ANKRD36C: variants seen among roughly 807,000 people sequenced by gnomAD.
ANKRD36C encodes the protein ankyrin repeat domain 36C.
Under a neutral mutation model 276.4 loss-of-function variants are expected in ANKRD36C, and 61 were observed. The observed-to-expected ratio is 0.22, with a 90% CI of 0.18 to 0.27. The LOEUF (loss-of-function observed/expected upper bound fraction) is 0.27, where lower values mean the gene tolerates loss of function less well. ANKRD36C is among the 10% of genes least tolerant of loss of function. ANKRD36C has a pLI of 1.00. For missense variants in ANKRD36C, 1,447 were observed against 2,032.3 expected, an observed-to-expected ratio of 0.71 and a Z score of 5.54; for synonymous variants, 483 against 680.1, an observed-to-expected ratio of 0.71 and a Z score of 4.51.
intron 22 of ANKRD36C, among the ~76,000 whole-genome samples, chr2:95,938,606 A>T (rs1677783789): frequency 6.6e-6 from 1 of 152,278 alleles, no homozygotes; most frequent in African/African-American, 2.4e-5. Context: ...TTAAATGATG[A>T]CAACTTTAAA....
chr2:95,890,612 A>T (rs1165368836), intron 46 of ANKRD36C, among the ~76,000 whole-genome samples: 6 of 151,568 alleles, frequency 4.0e-5, no homozygotes, highest in Non-Finnish European at 8.9e-5. Context: ...TGCATACACT[A>T]GTATAGACTT....
At chr2:95,987,782 C>G (rs1204813962) in intron 1 of ANKRD36C, among the ~76,000 whole-genome samples, 1 of 151,814 alleles carries the variant, frequency 6.6e-6, no homozygotes, top group East Asian at 1.9e-4. Context: ...CTACCGCGCC[C>G]GGCTAATTTT....
intron 14 of ANKRD36C, among the ~76,000 whole-genome samples, chr2:95,953,437 C>G: frequency 6.6e-6 from 1 of 151,980 alleles, no homozygotes; most frequent in South Asian, 2.1e-4. Context: ...AGAAATAGCT[C>G]TCTGCAAAAA....
intron 53 of ANKRD36C, 33 bp downstream of exon 73, chr2:95,884,307 A>G (rs1392676966): frequency 1.2e-6 from 2 of 1,610,602 alleles, no homozygotes; most frequent in South Asian, 1.1e-5. Flanking sequence ...CTATACAATT[A>G]CTAGTTCACA....
Position 95,990,828 on chromosome 2 carries a change from T to C in ANKRD36C, c.197+684A>G, listed in dbSNP as rs574487828. On this transcript the variant is annotated intron_variant, in intron 1 of 66. Transcript: ENST00000456556. ...TCAGGAAGTTGATATATTATGGAAA[T>C]GATTTCTCTCATTATGCACCTTTCC... is the stretch of plus-strand genomic sequence containing the variant. 8.3e-4 allele frequency among the ~76,000 whole-genome samples: 126 copies of C among 152,352 alleles called. 3 individuals are homozygous for C. The East Asian group carries it at 0.014, about 17-fold the overall frequency.
chr2:95,948,477 AT>A, intron 17 of ANKRD36C, 52 bp downstream of exon 17: 1 of 1,489,618 alleles, frequency 6.7e-7, no homozygotes, highest in East Asian at 2.5e-5. Context: ...AGAAAATAAT[AT>A]AAAAAATGAG....
rs943800293 is a variant in ANKRD36C, at chr2:95,873,148, C to A, written c.3540+3291G>T. Reference sequence around the variant, plus strand: ...TTCCAATCAATAGAAAAAGAGGGAACCCTCCCTAACTCATTTTATGAGGCC... The same window carrying A: ...TTCCAATCAATAGAAAAAGAGGGAAACCTCCCTAACTCATTTTATGAGGCC... On this transcript the variant is annotated intron_variant, in intron 59 of 66. Coordinates refer to ENST00000456556, the Ensembl canonical transcript of ANKRD36C. Among the ~76,000 whole-genome samples the A allele has an allele frequency of 5.3e-5, 8 of 152,178 alleles. No homozygotes were observed. In the East Asian group the frequency reaches 9.7e-4, roughly 18 times the overall value.
At chr2:95,970,718 G>A (rs1678680786) in intron 6 of ANKRD36C, among the ~76,000 whole-genome samples, 2 of 152,170 alleles carry the variant, frequency 1.3e-5, no homozygotes, top group African/African-American at 2.4e-5. Context: ...GAAAGAAGGT[G>A]AATAAGAAAC....
At position 95,912,583 on chromosome 2, in the gene ANKRD36C, C is replaced by G. The variant is rs115576579; in HGVS notation, c.2552-148G>C. 4.3e-3 allele frequency: 6,403 copies of G among 1,474,740 alleles called. 250 individuals are homozygous for G. The African/African-American group carries it at 0.082, about 19-fold the overall frequency. 91.4% of individuals were successfully genotyped at this position (1,474,740 alleles called of 1,614,324 possible). ...TCTATTTTGTGTCTGGGGACCAGAACGTGACAGAAACACACTGAAAAAAGG... is the reference window on the plus strand; with the variant it reads ...TCTATTTTGTGTCTGGGGACCAGAAGGTGACAGAAACACACTGAAAAAAGG... On this transcript the variant is annotated intron_variant, in intron 40 of 66. Coordinates refer to ENST00000456556, the Ensembl canonical transcript of ANKRD36C.
chr2:95,964,003 ATATATATATATGTGTG>A (rs1391192468), intron 6 of ANKRD36C, among the ~76,000 whole-genome samples: 2,939 of 31,090 alleles, frequency 0.095, 133 homozygotes, highest in African/African-American at 0.17. Context: ...ATATATATAT[ATATATATATATGTGTG>A]TGTGTGTCAT....
chr2:95,885,987 G>C (rs879198235), intron 52 of ANKRD36C, 61 bp downstream of exon 72: 214 of 1,565,984 alleles, frequency 1.4e-4, no homozygotes, highest in Non-Finnish European at 1.8e-4. Context: ...TGATTTATTT[G>C]GGGAAGTGAA....
At chr2:95,860,372 T>A (rs1675544735) in intron 60 of ANKRD36C, among the ~76,000 whole-genome samples, 1 of 150,766 alleles carries the variant, frequency 6.6e-6, no homozygotes, top group Admixed American at 6.6e-5. Flanking sequence ...ATTTGATCTA[T>A]ACTTCACCCA....
chr2:95,965,950 C>CT lies in ANKRD36C; in HGVS notation c.800-3404dup, dbSNP rs1227688472. On this transcript the variant is annotated intron_variant, in intron 6 of 66. Coordinates refer to ENST00000456556, the Ensembl canonical transcript of ANKRD36C. ...ATGTGCATTTGGGTGATTTCTTTTTCTTTTTTAAAAAAAATTTAATTCAAG... is the reference window on the plus strand; with the variant it reads ...ATGTGCATTTGGGTGATTTCTTTTTCTTTTTTTAAAAAAAATTTAATTCAAG... Among the ~76,000 whole-genome samples the CT allele has an allele frequency of 7.2e-5, 11 of 152,016 alleles. No individual in the cohort carries two copies. In the South Asian group the frequency reaches 8.3e-4, roughly 11 times the overall value.
In ANKRD36C at chr2:95,927,304, C is replaced by A; in HGVS notation, c.1867-18G>T. On this transcript the variant is annotated intron_variant, in intron 27 of 66. Coordinates refer to ENST00000456556, the Ensembl canonical transcript of ANKRD36C. Reference sequence around the variant, plus strand: ...CTTGTAGCCTGAATGGGATTTGAAACAAAATAATCAATACGTAAAGTAGGT... The same window carrying A: ...CTTGTAGCCTGAATGGGATTTGAAAAAAAATAATCAATACGTAAAGTAGGT... 6.2e-7 allele frequency: 1 copy of A among 1,609,016 alleles called. No individual in the cohort carries two copies. Among genetic ancestry groups the A allele is most frequent in the Non-Finnish European group, 8.5e-7 (1 of 1,177,994 alleles).
exon 54 of ANKRD36C, chr2:95,884,184 T>G (rs748809590): frequency 6.2e-7 from 1 of 1,608,026 alleles, no homozygotes; most frequent in Non-Finnish European, 8.5e-7. Flanking sequence ...TGTCCCAGAT[T>G]TTTCTCCATC....
Position 95,978,079 on chromosome 2 carries a change from T to A in ANKRD36C, c.799+43A>T, listed in dbSNP as rs569201486. On this transcript the variant is annotated intron_variant, in intron 6 of 66. Transcript: ENST00000456556. ...CAAAACATCTTTATTCTTTTTTATC[T>A]ATGGTAGTACCATCAAGAGTAATTC... 1.1e-4 allele frequency: 70 copies of A among 654,978 alleles called. No homozygotes were observed. The African/African-American group carries it at 1.3e-3, about 12-fold the overall frequency. 40.6% of individuals were successfully genotyped at this position (654,978 alleles called of 1,614,324 possible). A position where few individuals can be genotyped will look rare whatever the true frequency, so the allele number is the denominator to read the frequency against.
intron 58 of ANKRD36C, among the ~76,000 whole-genome samples, chr2:95,880,121 C>T (rs2950743): frequency 1.4e-5 from 2 of 146,050 alleles, no homozygotes; most frequent in Non-Finnish European, 3.0e-5. Context: ...TGGAGGTTGT[C>T]GTGAGTTACA....
intron 59 of ANKRD36C, among the ~76,000 whole-genome samples, chr2:95,869,321 T>C (rs1284766607): frequency 2.0e-5 from 3 of 152,176 alleles, no homozygotes; most frequent in Non-Finnish European, 4.4e-5. Context: ...ACTTGAATAA[T>C]TCATTATGTG....
Position 95,871,033 on chromosome 2 carries a change from C to T in ANKRD36C, c.3541-3452G>A, listed in dbSNP as rs559089115. On this transcript the variant is annotated intron_variant, in intron 59 of 66. Coordinates refer to ENST00000456556, the Ensembl canonical transcript of ANKRD36C. ...GGACTAAGTGAAAAGACCAAATCTA[C>T]ATCTGATTGGTGTACCTGAAAGTCA... Among the ~76,000 whole-genome samples, 18 of 152,282 alleles carry T rather than the reference C, an allele frequency of 1.2e-4. No homozygotes were observed. The East Asian group carries it at 1.5e-3, about 13-fold the overall frequency.
Sources: allele counts gnomAD v4.1 joint callset (sites outside exome capture counted in the v4.1 genomes callset), GRCh38; gene constraint gnomAD v4.1.1; transcripts MANE v1.5; gene names NCBI Gene and HGNC (gene_info 2026-07-23, HGNC 2026-07-21).